PSMD8: variants seen among roughly 807,000 people sequenced by gnomAD.
PSMD8 encodes the protein 26S proteasome non-ATPase regulatory subunit 8.
A neutral mutation model predicts 40.0 loss-of-function variants in PSMD8; 30 were observed. The ratio of observed to expected loss-of-function variants is 0.75; its 90% CI spans 0.56 to 1.02. PSMD8 has a LOEUF of 1.02. PSMD8 is among the 50% of genes least tolerant of loss of function. PSMD8 has a pLI of 0.00. For synonymous variants in PSMD8, 208 were observed against 192.5 expected (o/e 1.08, Z -0.67); for missense variants, 461 against 463.9 (o/e 0.99, Z 0.06).
At chr19:38,379,097 C>T (rs1039806395) in intron 3 of PSMD8, 143 bp from the exon 4 acceptor site, 9 of 778,830 alleles carry the variant, frequency 1.2e-5, no homozygotes, top group Admixed American at 2.9e-5. Flanking sequence ...CTTTGGGACA[C>T]AGTTTCCTCA....
chr19:38,382,050 G>GT, intron 5 of PSMD8, 67 bp from the exon 6 acceptor site: 1 of 1,153,910 alleles, frequency 8.7e-7, no homozygotes, highest in Non-Finnish European at 1.3e-6. Context: ...CACATGTCAG[G>GT]TCTGGGGGGA....
rs1970599109 is a variant in PSMD8 at position 38,376,448 on chromosome 19, A to T, written c.530A>T (p.Asp177Val). The change falls in exon 3 of 7, where the codon GAT becomes GTT. Residue 177 changes from aspartate (D) to valine (V), a missense_variant. Asp to Val is a radical substitution (Grantham distance 152). Coordinates refer to ENST00000215071, the MANE Select transcript of PSMD8 (RefSeq NM_002812.5). ...GCCCAGCTCAAATGCTACTACTTTG[A>T]TTACAAGTGAGAATGGGCCCTGCCC... ...YMAQLKCYYF[D>V]YKEQLPESAY... The T allele has an allele frequency of 6.5e-7, 1 of 1,549,958 alleles. No homozygotes were observed. The highest frequency in any genetic ancestry group is 1.4e-5 in the African/African-American group (1 of 72,998).
At chr19:38,376,666 C>T (rs1970601008) in intron 3 of PSMD8, among the ~76,000 whole-genome samples, 1 of 152,182 alleles carries the variant, frequency 6.6e-6, no homozygotes, top group Admixed American at 6.5e-5. Flanking sequence ...CATTGCACCC[C>T]CTCTGCCCAG....
chr19:38,380,319 G>A (rs1261431010), intron 4 of PSMD8, among the ~76,000 whole-genome samples: 2 of 152,164 alleles, frequency 1.3e-5, no homozygotes, highest in South Asian at 2.1e-4. Flanking sequence ...GTGGACAGCC[G>A]GGCAGAGGAA....
rs909223619 is a variant in PSMD8, at chr19:38,375,073, T to C, written c.360+112T>C. ...GAAGCCACCTCGGTGCCAGCGAGAC[T>C]GAGGCGGGCTGGGGGATCCGATGGG... On this transcript the variant is annotated intron_variant, in intron 1 of 6. Coordinates refer to ENST00000215071, the MANE Select transcript of PSMD8 (RefSeq NM_002812.5). 1.2e-5 allele frequency: 18 copies of C among 1,465,196 alleles called. No individual in the cohort carries two copies. In the East Asian group the frequency reaches 4.5e-4, roughly 37 times the overall value. 90.8% of individuals were successfully genotyped at this position (1,465,196 alleles called of 1,614,324 possible).
intron 3 of PSMD8, among the ~76,000 whole-genome samples, chr19:38,378,307 A>T (rs1970613220): frequency 6.6e-6 from 1 of 151,924 alleles, no homozygotes; most frequent in African/African-American, 2.4e-5. Flanking sequence ...GGAGGTTGAG[A>T]CCATCCTGGC....
In PSMD8 at chr19:38,374,807, T is replaced by G; in HGVS notation, c.206T>G (p.Val69Gly). 3 of 1,572,682 alleles carry G rather than the reference T, an allele frequency of 1.9e-6. No homozygotes were observed. The highest frequency in any genetic ancestry group is 2.6e-6 in the Non-Finnish European group (3 of 1,165,764). ...TCACGCAAGATGGCGGCCGCGGCGG[T>G]GAACGGGGCGGCAGGCTTCTCGAGC... The part of the protein sequence containing the change: ...AASRKMAAAA[V>G]NGAAGFSSSG... Residue 69 changes from valine (V) to glycine (G), a missense_variant, in exon 1 of 7, where the codon GTG (valine) becomes GGG (glycine). Coordinates refer to ENST00000215071, the MANE Select transcript of PSMD8 (RefSeq NM_002812.5).
intron 3 of PSMD8, among the ~76,000 whole-genome samples, chr19:38,377,976 T>C (rs1364529488): frequency 6.6e-6 from 1 of 152,212 alleles, no homozygotes; most frequent in Non-Finnish European, 1.5e-5. Flanking sequence ...ACACTTTGTG[T>C]TTATTTGGGC....
At chr19:38,380,812 A>C (rs1224116328) in intron 4 of PSMD8, 87 bp from the exon 5 acceptor site, 2 of 1,034,112 alleles carry the variant, frequency 1.9e-6, no homozygotes, top group African/African-American at 3.2e-5. Context: ...TTACAGGGGC[A>C]CTAGGAGTGT....
At chr19:38,381,735 C>T (rs145580381) in intron 5 of PSMD8, among the ~76,000 whole-genome samples, 7 of 152,138 alleles carry the variant, frequency 4.6e-5, no homozygotes, top group Non-Finnish European at 7.3e-5. Flanking sequence ...GTTCGTGGTG[C>T]CTCTTGATGG....
chr19:38,379,611 G>A (rs940089778), intron 4 of PSMD8, among the ~76,000 whole-genome samples: 1 of 152,234 alleles, frequency 6.6e-6, no homozygotes, highest in Admixed American at 6.5e-5. Context: ...CCAAGCAGGT[G>A]AAATTCATGA....
At chr19:38,382,305 G>A (rs1970647490) in intron 6 of PSMD8, 77 bp downstream of exon 6, 2 of 1,181,454 alleles carry the variant, frequency 1.7e-6, no homozygotes, top group African/African-American at 3.1e-5. Flanking sequence ...GGCTTAGAGG[G>A]ACACTGGAAC....
At chr19:38,378,333 C>T (rs1286621577) in intron 3 of PSMD8, among the ~76,000 whole-genome samples, 1 of 151,764 alleles carries the variant, frequency 6.6e-6, no homozygotes, top group Non-Finnish European at 1.5e-5. Flanking sequence ...CGGTGAAACC[C>T]TGTCTCTAAA....
At chr19:38,375,213 G>A in intron 1 of PSMD8, 1 of 571,956 alleles carries the variant, frequency 1.7e-6, no homozygotes, top group South Asian at 2.1e-5. Context: ...GGCCGAGGCG[G>A]GGGAGCGTCG....
Position 38,383,629 on chromosome 19 carries a change from CA to C in PSMD8, c.*240del. The C allele has an allele frequency of 1.8e-6, 1 of 561,992 alleles. No individual in the cohort carries two copies. The highest frequency in any genetic ancestry group is 3.1e-6 in the Non-Finnish European group (1 of 321,232). 34.8% of individuals were successfully genotyped at this position (561,992 alleles called of 1,614,324 possible). On this transcript the variant is annotated 3_prime_UTR_variant, in exon 7 of 7. Transcript: ENST00000215071. Reference sequence around the variant, plus strand: ...GGTGGGCATTGCTCAGGGTCTCAAACATGGACGCCCACTGTGGGGCCCCAGC... The same window carrying C: ...GGTGGGCATTGCTCAGGGTCTCAAACTGGACGCCCACTGTGGGGCCCCAGC...
At chr19:38,382,025 C>A in intron 5 of PSMD8, 92 bp from the exon 6 acceptor site, 1 of 854,742 alleles carries the variant, frequency 1.2e-6, no homozygotes, top group Non-Finnish European at 1.9e-6. Flanking sequence ...TGCTGAACTC[C>A]AGGGTCAGAG....
At chr19:38,380,349 T>C (rs1473102270) in intron 4 of PSMD8, among the ~76,000 whole-genome samples, 1 of 152,196 alleles carries the variant, frequency 6.6e-6, no homozygotes, top group Non-Finnish European at 1.5e-5. Flanking sequence ...CCAAATGTCC[T>C]GAGGCAGTAC....
intron 6 of PSMD8, 26 bp from the exon 7 acceptor site, chr19:38,383,226 TC>T (rs768214069): frequency 6.2e-7 from 1 of 1,611,970 alleles, no homozygotes; most frequent in Admixed American, 1.7e-5. Context: ...ATCACTCTAC[TC>T]GTCTCTAATC....
At chr19:38,381,110 T>G (rs1301527041) in intron 5 of PSMD8, 111 bp downstream of exon 5, 1 of 841,460 alleles carries the variant, frequency 1.2e-6, no homozygotes, top group Non-Finnish European at 1.8e-6. Flanking sequence ...AGGCTAGGTG[T>G]GTTTCTTATC....
Sources: allele counts gnomAD v4.1 joint callset (sites outside exome capture counted in the v4.1 genomes callset), GRCh38; gene constraint gnomAD v4.1.1; transcripts MANE v1.5; gene names NCBI Gene and HGNC (gene_info 2026-07-23, HGNC 2026-07-21).